CHST8: variants seen among roughly 807,000 people sequenced by gnomAD.
CHST8 encodes carbohydrate sulfotransferase 8.
Under a neutral mutation model 15.0 loss-of-function variants are expected in CHST8, and 10 were observed. The ratio of observed to expected loss-of-function variants is 0.67; its 90% CI spans 0.41 to 1.13. The LOEUF (loss-of-function observed/expected upper bound fraction) is 1.13. CHST8 is among the 50% of genes most tolerant of loss of function. The probability of loss-of-function intolerance (pLI) is 0.00; values close to 1 mark genes in which losing one functional copy is unlikely to be tolerated. For missense variants in CHST8, 634 were observed against 608.2 expected (o/e 1.04, Z -0.45); for synonymous variants, 259 against 256.6 (o/e 1.01, Z -0.09).
intron 1 of CHST8, among the ~76,000 whole-genome samples, chr19:33,662,768 C>T (rs533709831): frequency 1.3e-5 from 2 of 152,258 alleles, no homozygotes; most frequent in Middle Eastern, 3.4e-3. Flanking sequence ...TGCCTGTTCC[C>T]GAACGCCAAC....
At chr19:33,760,961 G>A (rs1215300307) in intron 3 of CHST8, among the ~76,000 whole-genome samples, 6 of 152,320 alleles carry the variant, frequency 3.9e-5, no homozygotes, top group South Asian at 2.1e-4. Context: ...CTACTGGCCC[G>A]TATAGGTGCT....
At chr19:33,694,873 G>T (rs944077295) in intron 3 of CHST8, among the ~76,000 whole-genome samples, 1 of 151,782 alleles carries the variant, frequency 6.6e-6, no homozygotes, top group Non-Finnish European at 1.5e-5. Context: ...AAGCCACCAC[G>T]CCTAGCTTTA....
intron 3 of CHST8, among the ~76,000 whole-genome samples, chr19:33,754,562 TC>T (rs1260806823): frequency 6.6e-6 from 1 of 152,174 alleles, no homozygotes; most frequent in Non-Finnish European, 1.5e-5. Flanking sequence ...AGGAGGCTCA[TC>T]CTCTCCCAGA....
chr19:33,708,908 C>G (rs912309045), intron 3 of CHST8, among the ~76,000 whole-genome samples: 5 of 152,104 alleles, frequency 3.3e-5, no homozygotes, highest in Non-Finnish European at 5.9e-5. Context: ...TTCTTCTTAC[C>G]ATTATATTGT....
At chr19:33,688,110 G>A (rs1973019154) in intron 2 of CHST8, among the ~76,000 whole-genome samples, 1 of 152,200 alleles carries the variant, frequency 6.6e-6, no homozygotes, top group Non-Finnish European at 1.5e-5. Context: ...CCTTCAAAGC[G>A]GGGTTGGGGG....
chr19:33,724,125 G>A (rs557549199), intron 3 of CHST8, among the ~76,000 whole-genome samples: 1 of 152,300 alleles, frequency 6.6e-6, no homozygotes, highest in East Asian at 1.9e-4. Flanking sequence ...CCACATGGGT[G>A]CTGTGCAGTC....
At chr19:33,635,720 C>G (rs532239661) in intron 1 of CHST8, among the ~76,000 whole-genome samples, 1 of 152,136 alleles carries the variant, frequency 6.6e-6, no homozygotes, top group Non-Finnish European at 1.5e-5. Flanking sequence ...CCAGTTGACC[C>G]ACCACACAAG....
intron 3 of CHST8, among the ~76,000 whole-genome samples, chr19:33,693,896 G>T (rs1280673561): frequency 6.6e-6 from 1 of 151,376 alleles, no homozygotes; most frequent in African/African-American, 2.4e-5. Flanking sequence ...TTCATTAGGG[G>T]TTACACAGTG....
intron 3 of CHST8, among the ~76,000 whole-genome samples, chr19:33,737,990 T>C (rs1033430008): frequency 1.3e-5 from 2 of 152,144 alleles, no homozygotes; most frequent in South Asian, 4.1e-4. Context: ...AAACTGTAGC[T>C]GAGAAAATAG....
At chr19:33,665,416 A>G (rs1972643345) in intron 1 of CHST8, among the ~76,000 whole-genome samples, 1 of 152,218 alleles carries the variant, frequency 6.6e-6, no homozygotes, top group Non-Finnish European at 1.5e-5. Flanking sequence ...AGGCACCCAC[A>G]GATGATACAG....
intron 3 of CHST8, among the ~76,000 whole-genome samples, chr19:33,743,412 C>T (rs1974240471): frequency 6.6e-6 from 1 of 151,702 alleles, no homozygotes; most frequent in Admixed American, 6.6e-5. Context: ...TGCCATTCTC[C>T]TGCCTCAGCC....
intron 2 of CHST8, chr19:33,685,298 G>T (rs913043724): frequency 6.6e-6 from 1 of 152,072 alleles, no homozygotes; most frequent in African/African-American, 2.4e-5. Flanking sequence ...AAGGAAATGG[G>T]AGGAATCCTT....
chr19:33,657,010 T>A (rs568944440), intron 1 of CHST8, among the ~76,000 whole-genome samples: 1 of 152,270 alleles, frequency 6.6e-6, no homozygotes, highest in East Asian at 1.9e-4. Context: ...GTGTTGAAAT[T>A]GTGCTTTTCA....
chr19:33,646,783 G>A (rs980213883), intron 1 of CHST8, among the ~76,000 whole-genome samples: 6 of 152,154 alleles, frequency 3.9e-5, no homozygotes, highest in African/African-American at 1.2e-4. Context: ...ACATGGTGGC[G>A]TACACCTGTT....
chr19:33,687,071 G>A (rs1364686582), intron 2 of CHST8, among the ~76,000 whole-genome samples: 1 of 152,242 alleles, frequency 6.6e-6, no homozygotes, highest in Non-Finnish European at 1.5e-5. Flanking sequence ...GCTCCCCCGA[G>A]TGAGGCTGGA....
At chr19:33,703,627 A>G (rs73033177) in intron 3 of CHST8, among the ~76,000 whole-genome samples, 4,210 of 152,258 alleles carry the variant, frequency 0.028, 78 homozygotes, top group Non-Finnish European at 0.043. Context: ...CCGCTCTTGC[A>G]TTGAGGTTGA....
intron 1 of CHST8, among the ~76,000 whole-genome samples, chr19:33,636,973 T>G (rs1315710594): frequency 6.6e-6 from 1 of 152,218 alleles, no homozygotes; most frequent in Admixed American, 6.5e-5. Context: ...CCACTGCTGG[T>G]TGCCCATTTT....
At chr19:33,640,658 A>C (rs16968313) in intron 1 of CHST8, among the ~76,000 whole-genome samples, 13,206 of 152,272 alleles carry the variant, frequency 0.087, 654 homozygotes, top group South Asian at 0.14. Flanking sequence ...AATGGACTCT[A>C]ATGACAGTCG....
At chr19:33,692,180 C>A (rs1973110411) in intron 3 of CHST8, among the ~76,000 whole-genome samples, 1 of 152,076 alleles carries the variant, frequency 6.6e-6, no homozygotes, top group Non-Finnish European at 1.5e-5. Context: ...CAAATCAAAT[C>A]TTTGGAAACA....
Sources: gnomAD v4.1 joint callset for allele counts (sites outside exome capture counted in the v4.1 genomes callset) on GRCh38, gnomAD v4.1.1 for gene constraint, MANE v1.5 for transcripts, NCBI Gene and HGNC (gene_info 2026-07-23, HGNC 2026-07-21) for gene names.